Variants in SDK1 observed in about 807,000 individuals in gnomAD.
SDK1 encodes sidekick cell adhesion molecule 1.
SDK1 carries 157 observed loss-of-function variants against 245.5 expected under a neutral mutation model. The ratio of observed to expected loss-of-function variants is 0.64; its 90% confidence interval spans 0.56 to 0.73. The LOEUF is 0.73. SDK1 is among the 30% of genes least tolerant of loss of function. SDK1 has a pLI of 0.00. For synonymous variants in SDK1, 1,647 were observed against 1,278.5 expected, an observed-to-expected ratio of 1.29 and a Z score of -6.15; for missense variants, 3,583 against 3,002.3, an observed-to-expected ratio of 1.19 and a Z score of -4.52.
intron 38 of SDK1, among the ~76,000 whole-genome samples, chr7:4,214,150 G>A (rs1233549896): frequency 3.3e-5 from 5 of 152,088 alleles, no homozygotes; most frequent in Non-Finnish European, 7.4e-5. Flanking sequence ...GTTGGGATTT[G>A]AACCCAGGTG....
At chr7:3,559,561 A>T (rs1430774674) in intron 1 of SDK1, among the ~76,000 whole-genome samples, 1 of 152,112 alleles carries the variant, frequency 6.6e-6, no homozygotes, top group Non-Finnish European at 1.5e-5. Flanking sequence ...GTAGTCATTC[A>T]TTGACGCTCT....
chr7:3,844,534 C>T (rs1780230556), intron 5 of SDK1, among the ~76,000 whole-genome samples: 1 of 152,160 alleles, frequency 6.6e-6, no homozygotes, highest in Admixed American at 6.5e-5. Flanking sequence ...TGCTCATCTG[C>T]CCCAGATGGA....
chr7:3,947,763 A>G (rs977024383), intron 5 of SDK1, among the ~76,000 whole-genome samples: 1 of 152,012 alleles, frequency 6.6e-6, no homozygotes, highest in Non-Finnish European at 1.5e-5. Flanking sequence ...TGAAAGTATC[A>G]TGAAGTGGTG....
chr7:3,503,415 C>T (rs1023323037), intron 1 of SDK1, among the ~76,000 whole-genome samples: 3 of 152,180 alleles, frequency 2.0e-5, no homozygotes, highest in Admixed American at 1.3e-4. Context: ...TGTGGTGGCT[C>T]ATGCCCATAA....
chr7:3,840,245 C>T (rs1230231134), intron 5 of SDK1, among the ~76,000 whole-genome samples: 1 of 152,052 alleles, frequency 6.6e-6, no homozygotes, highest in Admixed American at 6.6e-5. Context: ...AAAGTTGAAA[C>T]AGAGTGGGAG....
chr7:3,899,261 G>C (rs74917581), intron 5 of SDK1, among the ~76,000 whole-genome samples: 1 of 152,046 alleles, frequency 6.6e-6, no homozygotes, highest in Non-Finnish European at 1.5e-5. Context: ...GAAATATTGC[G>C]CTTTAACACT....
chr7:3,305,240 A>G (rs1306728404), intron 1 of SDK1, among the ~76,000 whole-genome samples: 1 of 152,212 alleles, frequency 6.6e-6, no homozygotes, highest in East Asian at 1.9e-4. Context: ...TTTAAAATAC[A>G]GTTATCTGGA....
intron 1 of SDK1, among the ~76,000 whole-genome samples, chr7:3,563,351 A>G (rs1356497714): frequency 6.6e-6 from 1 of 152,206 alleles, no homozygotes; most frequent in East Asian, 1.9e-4. Context: ...AACAAGATAC[A>G]AAAAATAGGT....
rs117975316 is a variant in SDK1, at chr7:4,134,089, A to G, written c.4228+1666A>G. On this transcript the variant is annotated intron_variant, in intron 28 of 44. Coordinates refer to ENST00000404826, the MANE Select transcript of SDK1 (RefSeq NM_152744.4). ...TAGGTAATCACTCCGGCAGCCTGAG[A>G]AGGGTGGACGGAAAGTCAGATATTT... Among the ~76,000 whole-genome samples, 14 of 152,224 alleles carry G rather than the reference A, an allele frequency of 9.2e-5. No homozygotes were observed. In the East Asian group the frequency reaches 2.7e-3, roughly 29 times the overall value.
At position 3,665,850 on chromosome 7, in the gene SDK1, T is replaced by C. The variant is rs187431767; in HGVS notation, c.713+23745T>C. Among the ~76,000 whole-genome samples, 445 of 152,306 alleles carry C rather than the reference T, an allele frequency of 2.9e-3. 4 individuals carry two copies. Among genetic ancestry groups the C allele is most frequent in the South Asian group, 0.019 (91 of 4,818 alleles). ...GTTCCTTGTGTTGCTTTTCTCTCTT[T>C]ATTAACAGATGTAGATTGACTTAGT... On this transcript the variant is annotated intron_variant, in intron 4 of 44. Transcript: ENST00000404826.
intron 5 of SDK1, among the ~76,000 whole-genome samples, chr7:3,882,447 T>C (rs1781230415): frequency 6.6e-6 from 1 of 152,232 alleles, no homozygotes; most frequent in Admixed American, 6.5e-5. Context: ...TGCTCATTCT[T>C]CTCTCTTTTA....
At position 3,356,617 on chromosome 7, in the gene SDK1, A is replaced by G. The variant is rs149343597; in HGVS notation, c.298+54733A>G. On this transcript the variant is annotated intron_variant, in intron 1 of 44. Transcript: ENST00000404826. The stretch of plus-strand genomic sequence containing the variant: ...TGACCAAGAAAGTAGGTATAGAACT[A>G]AGTGTGTTGTCTGTAATTGTTTGTT... Among the ~76,000 whole-genome samples the G allele has an allele frequency of 5.3e-4, 81 of 152,302 alleles. 1 individual carries two copies. The highest frequency in any genetic ancestry group is 1.8e-3 in the African/African-American group (76 of 41,560).
At chr7:3,377,917 T>C (rs982139032) in intron 1 of SDK1, among the ~76,000 whole-genome samples, 5 of 152,094 alleles carry the variant, frequency 3.3e-5, no homozygotes, top group African/African-American at 9.7e-5. Context: ...TAGCTGGGAT[T>C]ACAGGTGCAC....
intron 5 of SDK1, among the ~76,000 whole-genome samples, chr7:3,842,698 A>C (rs1199016760): frequency 6.6e-6 from 1 of 152,046 alleles, no homozygotes; most frequent in Non-Finnish European, 1.5e-5. Flanking sequence ...TGACACCAGC[A>C]CCCTAGACCA....
At chr7:3,923,524 T>C (rs1307467024) in intron 5 of SDK1, among the ~76,000 whole-genome samples, 1 of 152,196 alleles carries the variant, frequency 6.6e-6, no homozygotes, top group Non-Finnish European at 1.5e-5. Context: ...GGACTGGCAG[T>C]GTGGGCATCC....
At chr7:3,582,093 G>C (rs983158881) in intron 1 of SDK1, among the ~76,000 whole-genome samples, 4 of 142,196 alleles carry the variant, frequency 2.8e-5, no homozygotes, top group Admixed American at 7.0e-5. Flanking sequence ...AGGTAGGCCT[G>C]TCTCAGGTAG....
intron 4 of SDK1, among the ~76,000 whole-genome samples, chr7:3,767,412 G>A (rs921740755): frequency 2.6e-5 from 4 of 152,172 alleles, no homozygotes; most frequent in East Asian, 1.9e-4. Flanking sequence ...GAAAGCCCAC[G>A]GGATGAGACA....
chr7:3,697,168 A>G (rs2115002486), intron 4 of SDK1, among the ~76,000 whole-genome samples: 1 of 152,322 alleles, frequency 6.6e-6, no homozygotes, highest in South Asian at 2.1e-4. Flanking sequence ...ATCCCATGCT[A>G]GGTTTGTTTA....
intron 4 of SDK1, among the ~76,000 whole-genome samples, chr7:3,680,907 A>G (rs1317630344): frequency 3.9e-5 from 6 of 152,144 alleles, no homozygotes; most frequent in Admixed American, 1.3e-4. Flanking sequence ...CAGTGATGCT[A>G]TCTTGGCTCA....
Sources: gnomAD v4.1 joint callset for allele counts (sites outside exome capture counted in the v4.1 genomes callset) on GRCh38, gnomAD v4.1.1 for gene constraint, MANE v1.5 for transcripts, NCBI Gene and HGNC (gene_info 2026-07-23, HGNC 2026-07-21) for gene names.